The following SERPINA12 variants were observed in gnomAD, a reference collection of about 807,000 sequenced individuals.
SERPINA12 encodes serpin A12.
In SERPINA12, 21 loss-of-function variants were observed where a neutral mutation model predicts 25.9. The ratio of observed to expected loss-of-function variants is 0.81; its 90% CI spans 0.58 to 1.17. The LOEUF (loss-of-function observed/expected upper bound fraction) is 1.17. Among genes scored for constraint, SERPINA12 ranks in the 50% most tolerant of loss-of-function variants. The pLI is 0.00. For synonymous variants in SERPINA12, 220 were observed against 196.0 expected (o/e 1.12, Z -1.02); for missense variants, 562 against 508.3 (o/e 1.11, Z -1.02).
chr14:94,505,669 C>T (rs1900904711), intron 1 of SERPINA12, among the ~76,000 whole-genome samples: 1 of 152,200 alleles, frequency 6.6e-6, no homozygotes, highest in African/African-American at 2.4e-5. Context: ...AACCTGCCCT[C>T]TAATGACAGG....
At chr14:94,509,655 C>T (rs1374925942), upstream of SERPINA12, among the ~76,000 whole-genome samples, 1 of 152,156 alleles carries the variant, frequency 6.6e-6, no homozygotes, top group Non-Finnish European at 1.5e-5. Flanking sequence ...TGGGAAAGAT[C>T]AGGCCTACTT....
At chr14:94,506,873 C>T (rs550045243) in intron 1 of SERPINA12, among the ~76,000 whole-genome samples, 1 of 152,248 alleles carries the variant, frequency 6.6e-6, no homozygotes, top group South Asian at 2.1e-4. Context: ...CTGATGATTC[C>T]CAGGTCTTTT....
upstream of SERPINA12, among the ~76,000 whole-genome samples, chr14:94,509,823 C>T (rs1361225105): frequency 6.6e-6 from 1 of 152,190 alleles, no homozygotes; most frequent in African/African-American, 2.4e-5. Context: ...TGACACACGC[C>T]ATCCCCTCCC....
At chr14:94,494,341 G>A (rs1258457154) in intron 3 of SERPINA12, among the ~76,000 whole-genome samples, 1 of 152,196 alleles carries the variant, frequency 6.6e-6, no homozygotes, top group Non-Finnish European at 1.5e-5. Flanking sequence ...GGAACCCGTG[G>A]GTGGTAACTG....
chr14:94,503,144 T>C (rs1295133058), intron 1 of SERPINA12: 5 of 943,018 alleles, frequency 5.3e-6, no homozygotes, highest in Non-Finnish European at 6.3e-6. Context: ...GAAATCACTC[T>C]ATATACATCA....
At chr14:94,511,485 G>A (rs771171562), upstream of SERPINA12, 21 of 985,442 alleles carry the variant, frequency 2.1e-5, no homozygotes, top group Non-Finnish European at 2.5e-5. Context: ...TTCTGGAACT[G>A]TCTGCATGCC....
At chr14:94,501,293 A>T (rs576146279) in intron 1 of SERPINA12, among the ~76,000 whole-genome samples, 1 of 152,132 alleles carries the variant, frequency 6.6e-6, no homozygotes, top group Non-Finnish European at 1.5e-5. Flanking sequence ...CTGAGAAAAC[A>T]TTCTCAGCAG....
chr14:94,489,602 C>T lies in SERPINA12; in HGVS notation c.1053+18G>A, dbSNP rs530677821. 13 of 1,612,266 alleles carry T rather than the reference C, an allele frequency of 8.1e-6. No homozygotes were observed. The East Asian group carries it at 1.8e-4, about 22-fold the overall frequency. On this transcript the variant is annotated intron_variant, in intron 4 of 4. Coordinates refer to ENST00000677451, the MANE Select transcript of SERPINA12 (RefSeq NM_001382267.1). ...CCCCTGTGCTGCAGGGAGTGGAGTC[C>T]AGGCTAGGCAGGCTTACCTCGCCCA...
chr14:94,489,555 T>C, intron 4 of SERPINA12, 65 bp downstream of exon 4: 1 of 1,564,370 alleles, frequency 6.4e-7, no homozygotes, highest in South Asian at 1.2e-5. Context: ...TGACCCTGGC[T>C]CTGGCCCCGG....
intron 1 of SERPINA12, among the ~76,000 whole-genome samples, chr14:94,499,795 C>T (rs1483831941): frequency 1.3e-5 from 2 of 152,170 alleles, no homozygotes; most frequent in Non-Finnish European, 2.9e-5. Context: ...CTAGCCTTGG[C>T]CTGGTCCACA....
chr14:94,502,052 G>GTA (rs1193012825), intron 1 of SERPINA12, among the ~76,000 whole-genome samples: 7 of 150,082 alleles, frequency 4.7e-5, no homozygotes, highest in Non-Finnish European at 7.4e-5. Flanking sequence ...GTGTGTGTGT[G>GTA]TATCTGTGTG....
intron 3 of SERPINA12, among the ~76,000 whole-genome samples, chr14:94,495,926 T>A (rs11625941): frequency 0.11 from 16,230 of 152,294 alleles, 1,206 homozygotes; most frequent in Non-Finnish European, 0.17. Flanking sequence ...ATTCTTCAAC[T>A]ATTATTTGTA....
In SERPINA12 at chr14:94,487,372, C is replaced by T; in HGVS notation, c.1176G>A (p.Leu392=). ...AAGGTATTTTCTCGCTGTAAATCAG[C>T]AGCAGATAGGGTTTGTCTATCTTGA... ...LVVKIDKPYL[L]LIYSEKIPSV... is the part of the protein sequence containing the mutation. The change falls in exon 5 of 5, where the codon CTG becomes CTA. Residue 392 remains leucine (L), a synonymous_variant. Transcript: ENST00000677451. The T allele has an allele frequency of 6.2e-7, 1 of 1,614,108 alleles. No individual in the cohort carries two copies. Among genetic ancestry groups the T allele is most frequent in the Non-Finnish European group, 8.5e-7 (1 of 1,180,010 alleles).
chr14:94,516,406 G>A (rs1359061668), intron 1 of SERPINA12, among the ~76,000 whole-genome samples: 1 of 152,206 alleles, frequency 6.6e-6, no homozygotes, highest in Non-Finnish European at 1.5e-5. Context: ...GTGACTCGAG[G>A]AAGGGGCCGG....
intron 1 of SERPINA12, among the ~76,000 whole-genome samples, chr14:94,503,842 T>C (rs1244046924): frequency 1.3e-5 from 2 of 152,170 alleles, no homozygotes; most frequent in Non-Finnish European, 2.9e-5. Context: ...GCAGCAGGGG[T>C]GGACCCAAAT....
chr14:94,513,556 G>A (rs1271198439), upstream of SERPINA12, among the ~76,000 whole-genome samples: 1 of 152,142 alleles, frequency 6.6e-6, no homozygotes, highest in African/African-American at 2.4e-5. Context: ...ATAAAACTGA[G>A]GAAATGTTTG....
At chr14:94,494,510 C>A (rs1900311790) in intron 3 of SERPINA12, among the ~76,000 whole-genome samples, 1 of 152,158 alleles carries the variant, frequency 6.6e-6, no homozygotes, top group African/African-American at 2.4e-5. Flanking sequence ...AGCTAAGTGA[C>A]AGGGCATTCC....
At chr14:94,496,322 G>C in intron 3 of SERPINA12, 51 bp downstream of exon 3, 2 of 1,598,752 alleles carry the variant, frequency 1.3e-6, no homozygotes, top group Non-Finnish European at 1.7e-6. Flanking sequence ...GCAGAAATAA[G>C]AGGGAAGACA....
intron 3 of SERPINA12, among the ~76,000 whole-genome samples, chr14:94,495,696 C>T (rs1399559682): frequency 2.0e-5 from 3 of 152,258 alleles, no homozygotes; most frequent in East Asian, 1.9e-4. Context: ...TGCTACATCC[C>T]CTTCACTGCT....
Sources: gnomAD v4.1 joint callset for allele counts (sites outside exome capture counted in the v4.1 genomes callset) on GRCh38, gnomAD v4.1.1 for gene constraint, MANE v1.5 for transcripts, NCBI Gene and HGNC (gene_info 2026-07-23, HGNC 2026-07-21) for gene names.